ATP2C1: variants seen among roughly 807,000 people sequenced by gnomAD.
ATP2C1 encodes the protein ATPase secretory pathway Ca2+ transporting 1.
A neutral mutation model predicts 120.5 loss-of-function variants in ATP2C1; 31 were observed. The ratio of observed to expected loss-of-function variants is 0.26; its 90% CI spans 0.19 to 0.35. The LOEUF is 0.35. ATP2C1 is among the 10% of genes least tolerant of loss of function. The pLI is 1.00. For missense variants in ATP2C1, 731 were observed against 1,107.5 expected (o/e 0.66, Z 4.83); for synonymous variants, 351 against 358.7 (o/e 0.98, Z 0.24).
intron 1 of ATP2C1, among the ~76,000 whole-genome samples, chr3:130,862,580 G>A (rs946365426): frequency 8.6e-5 from 13 of 152,042 alleles, no homozygotes; most frequent in African/African-American, 2.7e-4. Flanking sequence ...AAGTTCCATC[G>A]CCTAGCTTTT....
chr3:130,987,601 G>C (rs2062082732), intron 20 of ATP2C1, among the ~76,000 whole-genome samples: 1 of 152,206 alleles, frequency 6.6e-6, no homozygotes. Context: ...AAAGTGTTGG[G>C]ATTACAGGCA....
intron 2 of ATP2C1, among the ~76,000 whole-genome samples, chr3:130,915,454 A>G (rs139526730): frequency 8.9e-4 from 136 of 152,250 alleles, no homozygotes; most frequent in Middle Eastern, 3.4e-3. Context: ...GTTAGTTGAA[A>G]AATTAGGGAA....
chr3:130,930,140 TA>T, intron 2 of ATP2C1: 1 of 422,550 alleles, frequency 2.4e-6, no homozygotes, highest in South Asian at 2.1e-5. Context: ...TTTTTACTCT[TA>T]TGTTGGTGGA....
chr3:130,853,551 C>A (rs2107687767), intron 1 of ATP2C1, among the ~76,000 whole-genome samples: 1 of 152,278 alleles, frequency 6.6e-6, no homozygotes, highest in South Asian at 2.1e-4. Context: ...CCCCCTCTAG[C>A]CTAGAATTCT....
rs1040319651 is a variant in ATP2C1, at chr3:131,001,138, A to T, written c.2630-82A>T. 1.6e-4 allele frequency: 178 copies of T among 1,121,152 alleles called. No individual in the cohort carries two copies. The African/African-American group carries it at 2.7e-3, about 17-fold the overall frequency. The allele number at this position is 1,121,152 out of a possible 1,614,324, so 69.5% of individuals were successfully genotyped here. A position where few individuals can be genotyped will look rare whatever the true frequency, so the allele number is the denominator to read the frequency against. On this transcript the variant is annotated intron_variant, in intron 27 of 27. Coordinates refer to ENST00000510168, the MANE Select transcript of ATP2C1 (RefSeq NM_001378687.1). Reference sequence around the variant, plus strand: ...AAAAAAAAAAAAAAAGTTGTGTTAAAATGCTAGAAAAATGTAAGCTATTAA... The same window carrying T: ...AAAAAAAAAAAAAAAGTTGTGTTAATATGCTAGAAAAATGTAAGCTATTAA...
At position 131,001,453 on chromosome 3, in the gene ATP2C1, T is replaced by C. The variant is rs2108965472; in HGVS notation, c.*103T>C. The C allele has an allele frequency of 6.8e-7, 1 of 1,477,126 alleles. No homozygotes were observed. The highest frequency in any genetic ancestry group is 2.4e-5 in the East Asian group (1 of 41,318). The allele number at this position is 1,477,126 out of a possible 1,614,324, so 91.5% of individuals were successfully genotyped here. A position where few individuals can be genotyped will look rare whatever the true frequency, so the allele number is the denominator to read the frequency against. The stretch of plus-strand genomic sequence containing the variant: ...TGAAGATTTGAGAACTTTTTAACTA[T>C]TCATTGACTAAAAATGAACATTAAT... On this transcript the variant is annotated 3_prime_UTR_variant, in exon 28 of 28. Coordinates refer to ENST00000510168, the MANE Select transcript of ATP2C1 (RefSeq NM_001378687.1).
Position 130,868,220 on chromosome 3 carries a change from GC to G in ATP2C1, c.108+17294del, listed in dbSNP as rs1248491590. 1.3e-3 allele frequency: 187 copies of G among 148,066 alleles called. 7 individuals carry two copies. The highest frequency in any genetic ancestry group is 2.2e-3 in the Non-Finnish European group (150 of 67,150). 9.2% of individuals were successfully genotyped at this position (148,066 alleles called of 1,614,324 possible). A position where few individuals can be genotyped will look rare whatever the true frequency, so the allele number is the denominator to read the frequency against. Reference sequence around the variant, plus strand: ...TGGGAAGTGAGGACCCCTCTGCCCGGCCAGCCGCCCCATCCGGGAGGGAGGT... The same window carrying G: ...TGGGAAGTGAGGACCCCTCTGCCCGGCAGCCGCCCCATCCGGGAGGGAGGT... On this transcript the variant is annotated intron_variant, in intron 1 of 26. Transcript: ENST00000504381.
intron 2 of ATP2C1, among the ~76,000 whole-genome samples, chr3:130,915,126 C>T (rs2058624962): frequency 6.6e-6 from 1 of 151,356 alleles, no homozygotes; most frequent in African/African-American, 2.4e-5. Flanking sequence ...CGATGTTTCA[C>T]TCTGTTGCCC....
intron 1 of ATP2C1, among the ~76,000 whole-genome samples, chr3:130,884,930 C>CTTTTT (rs35931105): frequency 1.2e-4 from 14 of 120,842 alleles, no homozygotes; most frequent in South Asian, 2.7e-4. Context: ...TCTTTTCTTT[C>CTTTTT]TTTTTTTTTT....
chr3:130,868,839 C>A lies in ATP2C1; in HGVS notation c.108+17911C>A, dbSNP rs890309130. On this transcript the variant is annotated intron_variant, in intron 1 of 26. Coordinates refer to the ATP2C1 transcript ENST00000504381. The stretch of plus-strand genomic sequence containing the variant: ...CCCCCGCCCGGCCAGCCGCCCCATC[C>A]GGGAGGTGAGGGGCGCTTCTGCCCC... 4.2e-5 allele frequency: 6 copies of A among 141,770 alleles called. 1 individual carries two copies. The highest frequency in any genetic ancestry group is 4.7e-5 in the Non-Finnish European group (3 of 64,146). 8.8% of individuals were successfully genotyped at this position (141,770 alleles called of 1,614,324 possible).
At chr3:130,960,950 G>A (rs1372810170) in intron 12 of ATP2C1, among the ~76,000 whole-genome samples, 1 of 152,050 alleles carries the variant, frequency 6.6e-6, no homozygotes, top group Admixed American at 6.6e-5. Context: ...TCTGTTGTAG[G>A]CATATGAAAT....
exon 27 of ATP2C1, chr3:131,016,204 T>A: frequency 6.2e-7 from 1 of 1,614,222 alleles, no homozygotes. Context: ...CATCCCCATC[T>A]GGAGACAGGA....
intron 2 of ATP2C1, among the ~76,000 whole-genome samples, chr3:130,900,924 ATCTATTTTTAGTGTTTCC>A: frequency 6.6e-6 from 1 of 152,224 alleles, no homozygotes; most frequent in South Asian, 2.1e-4. Flanking sequence ...TTGTTTGGCC[ATCTATTTTTAGTGTTTCC>A]CTAGCAGCAT....
At chr3:130,941,980 A>G (rs551866178) in intron 8 of ATP2C1, among the ~76,000 whole-genome samples, 4 of 152,326 alleles carry the variant, frequency 2.6e-5, no homozygotes, top group South Asian at 4.1e-4. Context: ...ACTTGTGACT[A>G]GGGAACATAC....
chr3:130,963,823 A>T, intron 12 of ATP2C1, 148 bp from the exon 13 acceptor site: 1 of 954,746 alleles, frequency 1.0e-6, no homozygotes, highest in Non-Finnish European at 1.6e-6. Context: ...AGTAAATGTT[A>T]ACTTTCTCTT....
chr3:130,850,836 C>T (rs747633376), exon 1 of ATP2C1: 1 of 1,453,952 alleles, frequency 6.9e-7, no homozygotes, highest in South Asian at 1.4e-5. Context: ...TAGTCTGTTG[C>T]CTCCATCTAG....
intron 2 of ATP2C1, among the ~76,000 whole-genome samples, chr3:130,902,890 C>T (rs2057930443): frequency 6.6e-6 from 1 of 151,950 alleles, no homozygotes; most frequent in African/African-American, 2.4e-5. Context: ...ATATTTTCAT[C>T]TCTAATACCA....
chr3:130,918,378 T>C, intron 2 of ATP2C1: 1 of 1,471,950 alleles, frequency 6.8e-7, no homozygotes. Flanking sequence ...GAAATAGTTT[T>C]TGTTCCAGGG....
intron 2 of ATP2C1, among the ~76,000 whole-genome samples, chr3:130,923,206 A>T (rs1028560629): frequency 6.6e-6 from 1 of 151,522 alleles, no homozygotes; most frequent in Non-Finnish European, 1.5e-5. Context: ...TTTTATCGTT[A>T]TATAATATCC....
Sources: allele counts gnomAD v4.1 joint callset (sites outside exome capture counted in the v4.1 genomes callset), GRCh38; gene constraint gnomAD v4.1.1; transcripts MANE v1.5; gene names NCBI Gene and HGNC (gene_info 2026-07-23, HGNC 2026-07-21).